Variants in MLLT10 observed in about 807,000 individuals in gnomAD.
MLLT10 encodes the protein MLLT10 histone lysine methyltransferase DOT1L cofactor, also known as protein AF-10.
MLLT10 carries 30 observed loss-of-function variants against 129.1 expected under a neutral mutation model. That is an observed-to-expected ratio of 0.23 (90% CI 0.17 to 0.32). The LOEUF is 0.32. Ranked by LOEUF, MLLT10 falls within the 10% of genes least tolerant of loss-of-function variation. MLLT10 has a pLI of 1.00. For missense variants in MLLT10, 1,119 were observed against 1,268.3 expected, an observed-to-expected ratio of 0.88 and a Z score of 1.79; for synonymous variants, 490 against 446.4, an observed-to-expected ratio of 1.10 and a Z score of -1.23.
intron 13 of MLLT10, among the ~76,000 whole-genome samples, chr10:21,704,377 AT>A: frequency 6.9e-6 from 1 of 144,068 alleles, no homozygotes; most frequent in East Asian, 2.0e-4. Flanking sequence ...ATATATATAT[AT>A]ATATAATTAT....
At chr10:21,727,994 C>G (rs543083179) in intron 16 of MLLT10, 66 bp downstream of exon 16, 253 of 1,312,158 alleles carry the variant, frequency 1.9e-4, no homozygotes, top group Non-Finnish European at 2.6e-4. Flanking sequence ...ACTTTCTTAT[C>G]TCATATCAGT....
chr10:21,573,236 C>T lies in MLLT10; in HGVS notation c.241-13058C>T, dbSNP rs113666140. Among the ~76,000 whole-genome samples, 148 of 152,308 alleles carry T rather than the reference C, an allele frequency of 9.7e-4. 3 individuals are homozygous for T. In the South Asian group the frequency reaches 0.012, roughly 12 times the overall value. Reference sequence around the variant, plus strand: ...TCTTAGAGGAGAGCATTCAGTGTTACACCATCAATTATAAGTCAGCTGTAG... The same window carrying T: ...TCTTAGAGGAGAGCATTCAGTGTTATACCATCAATTATAAGTCAGCTGTAG... On this transcript the variant is annotated intron_variant, in intron 3 of 22. Coordinates refer to ENST00000307729, the MANE Select transcript of MLLT10 (RefSeq NM_001195626.3).
At chr10:21,547,364 C>T (rs1406983094) in intron 3 of MLLT10, among the ~76,000 whole-genome samples, 1 of 150,968 alleles carries the variant, frequency 6.6e-6, no homozygotes. Context: ...TTCCCTCGCA[C>T]AATCTATGTT....
In MLLT10 at chr10:21,735,191, C is replaced by G. The variant is rs1564748432; in HGVS notation, c.2911C>G (p.Gln971Glu). ...SDQQRQILIH[Q>E]QQFQQLLNSQ... ...CCAGCAACGACAAATACTTATTCAT[C>G]AACAGCAGTTTCAGCAGTTGTTAAA... The change falls in exon 21 of 23, where the codon CAA becomes GAA. Residue 971 changes from glutamine (Q) to glutamate (E), a missense_variant. Gln to Glu is a conservative substitution (Grantham distance 29, BLOSUM62 2). Coordinates refer to ENST00000307729, the MANE Select transcript of MLLT10 (RefSeq NM_001195626.3). 1 of 1,613,974 alleles carries G rather than the reference C, an allele frequency of 6.2e-7. No individual in the cohort carries two copies. The highest frequency in any genetic ancestry group is 8.5e-7 in the Non-Finnish European group (1 of 1,180,004).
chr10:21,620,729 C>G (rs1007619879), intron 8 of MLLT10, among the ~76,000 whole-genome samples: 2 of 151,850 alleles, frequency 1.3e-5, no homozygotes, highest in African/African-American at 4.8e-5. Context: ...TTGCTGTTGT[C>G]GCCCAGGCTG....
Position 21,738,512 on chromosome 10 carries a change from A to G in MLLT10, c.2956-1518A>G, listed in dbSNP as rs781490641. On this transcript the variant is annotated intron_variant, in intron 21 of 22. Coordinates refer to ENST00000307729, the MANE Select transcript of MLLT10 (RefSeq NM_001195626.3). ...ACTGTACTTTTTCCTTCATCTGCCAATGTCGTGGGCTAAAGTTTGTTCATT... is the reference window on the plus strand; with the variant it reads ...ACTGTACTTTTTCCTTCATCTGCCAGTGTCGTGGGCTAAAGTTTGTTCATT... 96 of 1,288,132 alleles carry G rather than the reference A, an allele frequency of 7.5e-5. 3 individuals carry two copies. Among genetic ancestry groups the G allele is most frequent in the South Asian group, 4.5e-4 (36 of 80,698 alleles). The allele number at this position is 1,288,132 out of a possible 1,614,324, so 79.8% of individuals were successfully genotyped here. A position where few individuals can be genotyped will look rare whatever the true frequency, so the allele number is the denominator to read the frequency against.
In MLLT10 at chr10:21,733,504, C is replaced by G; in HGVS notation, c.2408C>G (p.Ala803Gly). The G allele has an allele frequency of 1.3e-6, 2 of 1,522,782 alleles. No homozygotes were observed. The highest frequency in any genetic ancestry group is 1.4e-5 in the African/African-American group (1 of 71,568). 94.3% of individuals were successfully genotyped at this position (1,522,782 alleles called of 1,614,324 possible). A position where few individuals can be genotyped will look rare whatever the true frequency, so the allele number is the denominator to read the frequency against. Residue 803 changes from alanine (A) to glycine (G), a missense_variant and splice_region_variant, in exon 19 of 23, where the codon GCT (alanine) becomes GGT (glycine). Ala to Gly is a moderately conservative substitution (Grantham distance 60). Transcript: ENST00000307729. ...HQIHTFSAQT[A>G]PTTDSLNSSK... ...TTCTTTTTGTCTTTTATTATTCTAG[C>G]TCCTACTACTGATTCCTTGAACAGC...
At chr10:21,553,893 GC>G (rs1290449011) in intron 3 of MLLT10, among the ~76,000 whole-genome samples, 2 of 152,224 alleles carry the variant, frequency 1.3e-5, no homozygotes, top group East Asian at 3.9e-4. Context: ...CAGGTGATCT[GC>G]CCGTCTCAGC....
At chr10:21,619,044 AC>A in intron 8 of MLLT10, among the ~76,000 whole-genome samples, 2 of 151,420 alleles carry the variant, frequency 1.3e-5, no homozygotes, top group East Asian at 3.9e-4. Context: ...ACACACACAC[AC>A]ACACACACAC....
At chr10:21,556,833 C>G (rs772838770) in intron 3 of MLLT10, 3 of 1,555,660 alleles carry the variant, frequency 1.9e-6, no homozygotes, top group Non-Finnish European at 2.6e-6. Flanking sequence ...CAGTCATTTA[C>G]CACTTGTCAT....
At chr10:21,653,197 A>T (rs1564583032) in intron 9 of MLLT10, among the ~76,000 whole-genome samples, 2 of 152,230 alleles carry the variant, frequency 1.3e-5, no homozygotes, top group Non-Finnish European at 2.9e-5. Flanking sequence ...AGGGTCTCTC[A>T]AGGCCAAAAT....
intron 3 of MLLT10, among the ~76,000 whole-genome samples, chr10:21,575,503 T>G (rs1298300369): frequency 6.6e-6 from 1 of 152,094 alleles, no homozygotes; most frequent in Non-Finnish European, 1.5e-5. Context: ...GGCTGCTAGG[T>G]CATTAATTTT....
intron 1 of MLLT10, 43 bp from the exon 2 acceptor site, chr10:21,534,602 G>A (rs1226847181): frequency 1.0e-5 from 16 of 1,583,374 alleles, no homozygotes; most frequent in Non-Finnish European, 1.2e-5. Context: ...AGCACTAATC[G>A]GCTTGCATGT....
chr10:21,582,586 G>T (rs1336589668), intron 3 of MLLT10, among the ~76,000 whole-genome samples: 1 of 152,136 alleles, frequency 6.6e-6, no homozygotes, highest in Non-Finnish European at 1.5e-5. Context: ...GATAACTGGG[G>T]GACTACTGCA....
rs1322138036 is a variant in MLLT10, at chr10:21,638,253, TTG to T, written c.700-13419_700-13418del. On this transcript the variant is annotated intron_variant, in intron 8 of 22. Transcript: ENST00000307729. Reference sequence around the variant, plus strand: ...TAGTCTCTATCATATATTCTTCTTTTTGGTGGGGGGAGGGGGGCGGGGGCACT... The same window carrying T: ...TAGTCTCTATCATATATTCTTCTTTTGTGGGGGGAGGGGGGCGGGGGCACT... Among the ~76,000 whole-genome samples the T allele has an allele frequency of 6.6e-5, 7 of 105,618 alleles. No homozygotes were observed. The East Asian group carries it at 1.3e-3, about 20-fold the overall frequency. The allele number at this position is 105,618 out of a possible 152,430, so 69.3% of individuals were successfully genotyped here.
intron 3 of MLLT10, among the ~76,000 whole-genome samples, chr10:21,574,925 C>T (rs1190357105): frequency 6.6e-6 from 1 of 152,080 alleles, no homozygotes; most frequent in African/African-American, 2.4e-5. Flanking sequence ...TGCCAGCCTC[C>T]TATCTCATTC....
At chr10:21,648,745 A>G (rs908373668) in intron 8 of MLLT10, among the ~76,000 whole-genome samples, 1 of 152,218 alleles carries the variant, frequency 6.6e-6, no homozygotes, top group African/African-American at 2.4e-5. Context: ...TTATAGAAAA[A>G]GAGGTTTAAT....
rs142568293 is a variant in MLLT10 at position 21,673,551 on chromosome 10, T to A, written c.1253T>A (p.Ile418Asn). ...GGGGTAAATAGTTTTAGTACCTTAATTGGCCTCCCTTCAACCTCAGCTGTT... is the reference window on the plus strand; with the variant it reads ...GGGGTAAATAGTTTTAGTACCTTAAATGGCCTCCCTTCAACCTCAGCTGTT... ...EGGVNSFSTL[I>N]GLPSTSAVTS... The change falls in exon 11 of 23, where the codon ATT becomes AAT. Residue 418 changes from isoleucine to asparagine, a missense_variant. Ile to Asn is a moderately radical substitution (Grantham distance 149). Around this residue, in one of 5 missense-constraint regions of MLLT10, gnomAD observed 1,004 missense variants for 1,008.7 expected, o/e 1.00. Transcript: ENST00000307729. 1.2e-6 allele frequency: 2 copies of A among 1,613,208 alleles called. No individual in the cohort carries two copies. The highest frequency in any genetic ancestry group is 1.7e-5 in the Admixed American group (1 of 59,868).
intron 3 of MLLT10, chr10:21,556,574 C>T (rs563329883): frequency 1.6e-6 from 2 of 1,258,000 alleles, no homozygotes; most frequent in East Asian, 2.5e-5. Flanking sequence ...TTGCAGTTTT[C>T]TAGGGCAGGT....
Sources: allele counts gnomAD v4.1 joint callset (sites outside exome capture counted in the v4.1 genomes callset), GRCh38; gene constraint gnomAD v4.1.1; regional missense constraint gnomAD v4.1.1; transcripts MANE v1.5; gene names NCBI Gene and HGNC (gene_info 2026-07-23, HGNC 2026-07-21).